STXBP6: variants seen among roughly 807,000 people sequenced by gnomAD.
STXBP6 encodes syntaxin binding protein 6, also known as syntaxin-binding protein 6.
A neutral mutation model predicts 26.9 loss-of-function variants in STXBP6; 21 were observed. The observed-to-expected ratio is 0.78, with a 90% CI of 0.55 to 1.12. STXBP6 has a LOEUF of 1.12. Ranked by LOEUF, STXBP6 falls within the 50% of genes most tolerant of loss-of-function variation. The pLI is 0.00. For missense variants in STXBP6, 232 were observed against 257.9 expected, an observed-to-expected ratio of 0.90 and a Z score of 0.69; for synonymous variants, 97 against 92.6, an observed-to-expected ratio of 1.05 and a Z score of -0.27.
At chr14:24,905,244 T>G (rs180743100) in intron 2 of STXBP6, among the ~76,000 whole-genome samples, 21 of 152,328 alleles carry the variant, frequency 1.4e-4, no homozygotes, top group Non-Finnish European at 2.8e-4. Flanking sequence ...GTTAAGAGAC[T>G]TCAGTTCAAA....
intron 2 of STXBP6, among the ~76,000 whole-genome samples, chr14:24,896,130 T>C (rs2070982370): frequency 6.6e-6 from 1 of 152,128 alleles, no homozygotes; most frequent in Non-Finnish European, 1.5e-5. Flanking sequence ...GGATGATTTC[T>C]TCAGCCTTCC....
At chr14:24,869,317 G>A (rs759828189) in intron 2 of STXBP6, among the ~76,000 whole-genome samples, 5 of 152,306 alleles carry the variant, frequency 3.3e-5, no homozygotes, top group Non-Finnish European at 7.3e-5. Context: ...GTGGTAAAGA[G>A]CAGCTTCTCT....
At chr14:24,841,630 A>G (rs1384889358) in intron 4 of STXBP6, among the ~76,000 whole-genome samples, 1 of 152,088 alleles carries the variant, frequency 6.6e-6, no homozygotes, top group African/African-American at 2.4e-5. Flanking sequence ...TTATGGGTGA[A>G]TTTCTCATTA....
rs142552490 is a variant in STXBP6 at position 24,865,558 on chromosome 14, T to C, written c.155-8401A>G. 3.2e-3 allele frequency among the ~76,000 whole-genome samples: 481 copies of C among 152,282 alleles called. 2 individuals are homozygous for C. The highest frequency in any genetic ancestry group is 0.011 in the African/African-American group (445 of 41,560). On this transcript the variant is annotated intron_variant, in intron 2 of 5. Coordinates refer to ENST00000323944, the MANE Select transcript of STXBP6 (RefSeq NM_001394410.1). Reference sequence around the variant, plus strand: ...ATCATATGTTTGTGAGGAAACTATCTGAGGTTTAAAAAATAATCACTCAAA... The same window carrying C: ...ATCATATGTTTGTGAGGAAACTATCCGAGGTTTAAAAAATAATCACTCAAA...
chr14:25,032,553 G>A (rs1327782581), intron 1 of STXBP6, among the ~76,000 whole-genome samples: 2 of 152,220 alleles, frequency 1.3e-5, no homozygotes, highest in Non-Finnish European at 2.9e-5. Flanking sequence ...CTAAGCAGGA[G>A]CACTCAACCC....
chr14:25,010,373 G>A (rs1263478010), intron 1 of STXBP6, among the ~76,000 whole-genome samples: 2 of 152,154 alleles, frequency 1.3e-5, no homozygotes, highest in Admixed American at 6.5e-5. Flanking sequence ...TACATTCTTT[G>A]CTCTTAGCAA....
intron 4 of STXBP6, among the ~76,000 whole-genome samples, chr14:24,835,358 A>G (rs2068581621): frequency 6.6e-6 from 1 of 152,038 alleles, no homozygotes; most frequent in Admixed American, 6.6e-5. Flanking sequence ...TTTTTTGACC[A>G]GTAAAAGAGG....
rs537076351 is a variant in STXBP6 at position 25,009,193 on chromosome 14, C to T, written c.-32-34343G>A. Among the ~76,000 whole-genome samples the T allele has an allele frequency of 5.2e-4, 79 of 152,188 alleles. 3 individuals are homozygous for T. In the South Asian group the frequency reaches 0.013, roughly 24 times the overall value. On this transcript the variant is annotated intron_variant, in intron 1 of 5. Coordinates refer to ENST00000323944, the MANE Select transcript of STXBP6 (RefSeq NM_001394410.1). ...GTATTATAAGACGTCAAGTTAAGGA[C>T]GTCTTAAAGCAATTAAAAAATGAAA...
intron 1 of STXBP6, among the ~76,000 whole-genome samples, chr14:24,997,375 G>A (rs908809212): frequency 6.6e-6 from 1 of 152,108 alleles, no homozygotes; most frequent in African/African-American, 2.4e-5. Flanking sequence ...CATTTTTCAA[G>A]GTTCAGTTCA....
At chr14:25,036,325 G>C (rs1595357401) in intron 1 of STXBP6, among the ~76,000 whole-genome samples, 1 of 151,924 alleles carries the variant, frequency 6.6e-6, no homozygotes, top group Non-Finnish European at 1.5e-5. Context: ...AGTGTGGTGG[G>C]GTCCATGATC....
At chr14:24,940,271 A>G (rs2072755357) in intron 2 of STXBP6, among the ~76,000 whole-genome samples, 1 of 152,334 alleles carries the variant, frequency 6.6e-6, no homozygotes, top group African/African-American at 2.4e-5. Context: ...GGATGGTTTC[A>G]GTTCTAAAAC....
chr14:24,966,168 AAG>A (rs1377799902), intron 2 of STXBP6, among the ~76,000 whole-genome samples: 1 of 152,180 alleles, frequency 6.6e-6, no homozygotes, highest in African/African-American at 2.4e-5. Flanking sequence ...AGCCTCTGTT[AAG>A]AGTTTTCCCT....
intron 1 of STXBP6, among the ~76,000 whole-genome samples, chr14:24,979,712 C>T (rs1044890703): frequency 6.6e-6 from 1 of 152,164 alleles, no homozygotes; most frequent in Admixed American, 6.5e-5. Flanking sequence ...TCCCTCAACC[C>T]TTTCAAATCC....
intron 1 of STXBP6, among the ~76,000 whole-genome samples, chr14:25,039,274 C>T (rs189509511): frequency 9.9e-5 from 15 of 152,274 alleles, no homozygotes; most frequent in African/African-American, 2.9e-4. Flanking sequence ...TTCATTTCAA[C>T]TCAAACAGGA....
intron 4 of STXBP6, among the ~76,000 whole-genome samples, chr14:24,840,840 CT>C (rs33918222): frequency 0.19 from 28,023 of 146,060 alleles, 3,673 homozygotes; most frequent in African/African-American, 0.38. Flanking sequence ...AATGTAACTG[CT>C]TTTTTTTTTT....
chr14:24,886,647 T>G lies in STXBP6; in HGVS notation c.155-29490A>C, dbSNP rs187783109. Among the ~76,000 whole-genome samples, 923 of 145,260 alleles carry G rather than the reference T, an allele frequency of 6.4e-3. 4 individuals are homozygous for G. The highest frequency in any genetic ancestry group is 0.027 in the South Asian group (130 of 4,808). Reference sequence around the variant, plus strand: ...CCCTTTATGACTTGTCATTTCACATTAACTTTAACTATTTACACATTTGCC... The same window carrying G: ...CCCTTTATGACTTGTCATTTCACATGAACTTTAACTATTTACACATTTGCC... On this transcript the variant is annotated intron_variant, in intron 2 of 5. Coordinates refer to ENST00000323944, the MANE Select transcript of STXBP6 (RefSeq NM_001394410.1).
At chr14:24,866,314 T>C (rs1240548089) in intron 2 of STXBP6, among the ~76,000 whole-genome samples, 8 of 152,174 alleles carry the variant, frequency 5.3e-5, no homozygotes, top group Admixed American at 1.3e-4. Context: ...TCCATGATCA[T>C]GTGAGCCAAT....
intron 2 of STXBP6, among the ~76,000 whole-genome samples, chr14:24,946,829 A>G (rs1411746832): frequency 6.6e-6 from 1 of 152,178 alleles, no homozygotes; most frequent in Non-Finnish European, 1.5e-5. Flanking sequence ...GAGAAGATAA[A>G]TGGAAGAGCA....
chr14:24,818,902 C>T (rs2068058656), intron 5 of STXBP6, 135 bp downstream of exon 5: 1 of 1,189,856 alleles, frequency 8.4e-7, no homozygotes, highest in African/African-American at 1.5e-5. Context: ...TAGTAAGTAG[C>T]AGATGGGAAT....
Sources: gnomAD v4.1 joint callset for allele counts (sites outside exome capture counted in the v4.1 genomes callset) on GRCh38, gnomAD v4.1.1 for gene constraint, MANE v1.5 for transcripts, NCBI Gene and HGNC (gene_info 2026-07-23, HGNC 2026-07-21) for gene names.